Variants in KCNB2 observed in about 807,000 individuals in gnomAD.
The protein encoded by KCNB2 is delayed rectifier potassium channel protein.
A neutral mutation model predicts 61.5 loss-of-function variants in KCNB2; 15 were observed. That is an observed-to-expected ratio of 0.24 (90% CI 0.16 to 0.38). KCNB2 has a LOEUF of 0.38. Among genes scored for constraint, KCNB2 ranks in the 10% least tolerant of loss-of-function variants. KCNB2 has a pLI of 1.00. For synonymous variants in KCNB2, 457 were observed against 446.0 expected, an observed-to-expected ratio of 1.02 and a Z score of -0.31; for missense variants, 828 against 1,125.2, an observed-to-expected ratio of 0.74 and a Z score of 3.78.
At chr8:72,642,304 T>C (rs1806067688) in intron 2 of KCNB2, among the ~76,000 whole-genome samples, 1 of 152,178 alleles carries the variant, frequency 6.6e-6, no homozygotes, top group Non-Finnish European at 1.5e-5. Context: ...TTAAATGAAA[T>C]ATGTTATTAC....
chr8:72,896,070 A>G (rs1350901435), intron 2 of KCNB2, among the ~76,000 whole-genome samples: 1 of 152,126 alleles, frequency 6.6e-6, no homozygotes, highest in Non-Finnish European at 1.5e-5. Flanking sequence ...AGGAGTTATG[A>G]TGAAGCATTA....
chr8:72,581,660 G>A (rs984978135), intron 2 of KCNB2, among the ~76,000 whole-genome samples: 1 of 152,184 alleles, frequency 6.6e-6, no homozygotes, highest in Admixed American at 6.5e-5. Context: ...ATGTCTTCCT[G>A]GTTTTAAATG....
Position 72,936,787 on chromosome 8 carries a change from A to C in KCNB2, c.1432A>C (p.Thr478Pro), listed in dbSNP as rs780239761. The C allele has an allele frequency of 1.2e-5, 19 of 1,614,076 alleles. No homozygotes were observed. In the East Asian group the frequency reaches 4.0e-4, roughly 34 times the overall value. ...AVEKAGESAN[T>P]KDSADDNHLS... Reference sequence around the variant, plus strand: ...TGAGAAGGCCGGAGAGTCCGCCAACACAAAGGACTCCGCCGACGATAATCA... The same window carrying C: ...TGAGAAGGCCGGAGAGTCCGCCAACCCAAAGGACTCCGCCGACGATAATCA... Residue 478 changes from threonine (T) to proline (P), a missense_variant, in exon 3 of 3, where the codon ACA becomes CCA. Coordinates refer to ENST00000523207, the MANE Select transcript of KCNB2 (RefSeq NM_004770.3). The surrounding 1 kb of genome is among the most constrained non-coding windows in gnomAD (Gnocchi z 5.6).
chr8:72,777,859 C>T (rs1223183841), intron 2 of KCNB2, among the ~76,000 whole-genome samples: 1 of 152,124 alleles, frequency 6.6e-6, no homozygotes, highest in Non-Finnish European at 1.5e-5. Context: ...TTATACATTT[C>T]TTGCTTTGCT....
At chr8:72,903,684 A>G (rs1806124463) in intron 2 of KCNB2, among the ~76,000 whole-genome samples, 1 of 152,210 alleles carries the variant, frequency 6.6e-6, no homozygotes, top group Admixed American at 6.5e-5. Context: ...CAAATATTCC[A>G]ATAACTCTAA....
At chr8:72,820,098 C>T (rs1809470499) in intron 2 of KCNB2, among the ~76,000 whole-genome samples, 1 of 152,132 alleles carries the variant, frequency 6.6e-6, no homozygotes, top group East Asian at 1.9e-4. Flanking sequence ...GCAAAGCCTT[C>T]CTCCTCCAGA....
chr8:72,592,148 A>G (rs1807108765), intron 2 of KCNB2, among the ~76,000 whole-genome samples: 1 of 152,168 alleles, frequency 6.6e-6, no homozygotes, highest in Non-Finnish European at 1.5e-5. Context: ...GCTTTGATAC[A>G]TAGAAACATA....
chr8:72,742,967 A>G (rs912261541), intron 2 of KCNB2, among the ~76,000 whole-genome samples: 1 of 152,236 alleles, frequency 6.6e-6, no homozygotes, highest in Admixed American at 6.5e-5. Flanking sequence ...ATATGTTCCC[A>G]GGACTAGAAA....
intron 2 of KCNB2, among the ~76,000 whole-genome samples, chr8:72,607,917 A>G (rs1805478687): frequency 6.6e-6 from 1 of 152,238 alleles, no homozygotes; most frequent in Admixed American, 6.5e-5. Flanking sequence ...ACATAAAAAT[A>G]CAGAAATTCA....
intron 1 of KCNB2, among the ~76,000 whole-genome samples, chr8:72,561,750 TATATATATATGG>T (rs1307098292): frequency 0.22 from 8,777 of 39,992 alleles, 1,692 homozygotes; most frequent in African/African-American, 0.4. Context: ...TATATATGTA[TATATATATATGG>T]ATATATATAT....
chr8:72,843,560 T>A (rs570062844), intron 2 of KCNB2, among the ~76,000 whole-genome samples: 116 of 152,330 alleles, frequency 7.6e-4, no homozygotes, highest in African/African-American at 2.7e-3. Flanking sequence ...ACTCTTATTG[T>A]GTGCAAGTCT....
chr8:72,721,323 G>A (rs544590576), intron 2 of KCNB2, among the ~76,000 whole-genome samples: 1 of 152,206 alleles, frequency 6.6e-6, no homozygotes, highest in Non-Finnish European at 1.5e-5. Flanking sequence ...CTGCTGAATG[G>A]TGATAATGTG....
intron 2 of KCNB2, among the ~76,000 whole-genome samples, chr8:72,729,892 A>G (rs1051278753): frequency 6.6e-6 from 1 of 152,182 alleles, no homozygotes; most frequent in African/African-American, 2.4e-5. Flanking sequence ...TCTCAAAAAA[A>G]AAAAAGATTA....
chr8:72,844,369 C>T (rs1809949156), intron 2 of KCNB2, among the ~76,000 whole-genome samples: 1 of 152,158 alleles, frequency 6.6e-6, no homozygotes, highest in Non-Finnish European at 1.5e-5. Context: ...CTGCCCTTAA[C>T]ATTTTTTCCT....
intron 2 of KCNB2, among the ~76,000 whole-genome samples, chr8:72,776,827 A>T (rs763851493): frequency 1.1e-4 from 16 of 152,212 alleles, no homozygotes; most frequent in South Asian, 8.3e-4. Flanking sequence ...GAGAGAGGAG[A>T]CCTTGCTGCC....
chr8:72,850,136 A>G (rs998088984), intron 2 of KCNB2, among the ~76,000 whole-genome samples: 12 of 152,172 alleles, frequency 7.9e-5, no homozygotes, highest in Non-Finnish European at 1.5e-4. Flanking sequence ...GCATAATTAA[A>G]GGTATTTAGG....
intron 2 of KCNB2, among the ~76,000 whole-genome samples, chr8:72,926,045 T>C (rs1055600821): frequency 2.0e-5 from 3 of 152,056 alleles, no homozygotes; most frequent in Non-Finnish European, 4.4e-5. Context: ...AGCTGAACGA[T>C]GAGAACACAT....
At chr8:72,611,866 C>CT (rs1247432686) in intron 2 of KCNB2, among the ~76,000 whole-genome samples, 3 of 152,032 alleles carry the variant, frequency 2.0e-5, no homozygotes, top group African/African-American at 7.2e-5. Context: ...TGGATCCTCA[C>CT]TTTCTTCGTT....
intron 2 of KCNB2, among the ~76,000 whole-genome samples, chr8:72,710,389 A>T (rs1349110645): frequency 6.6e-6 from 1 of 152,212 alleles, no homozygotes; most frequent in Non-Finnish European, 1.5e-5. Flanking sequence ...ATACTTGAAA[A>T]TGATAAATAC....
Sources: gnomAD v4.1 joint callset for allele counts (sites outside exome capture counted in the v4.1 genomes callset) on GRCh38, gnomAD v4.1.1 for gene constraint, Gnocchi (gnomAD v3.1) non-coding constraint, MANE v1.5 for transcripts, NCBI Gene and HGNC (gene_info 2026-07-23, HGNC 2026-07-21) for gene names.